The following SPANXN1 variants were observed in gnomAD, a reference collection of about 807,000 sequenced individuals.
SPANXN1 encodes the protein sperm protein associated with the nucleus on the X chromosome N1.
A neutral mutation model predicts 2.0 loss-of-function variants in SPANXN1; 1 was observed. The observed-to-expected ratio is 0.50, with a 90% CI of 0.18 to 2.36. The LOEUF (loss-of-function observed/expected upper bound fraction) is 2.36. Ranked by LOEUF, SPANXN1 falls within the 30% of genes most tolerant of loss-of-function variation. The probability of loss-of-function intolerance (pLI) is 0.26; values close to 1 mark genes in which losing one functional copy is unlikely to be tolerated. For synonymous variants in SPANXN1, 27 were observed against 21.3 expected (o/e 1.27, Z -0.74); for missense variants, 55 against 51.8 (o/e 1.06, Z -0.19).
Position 145,256,121 on chromosome X carries a change from C to T in SPANXN1, c.*307C>T, listed in dbSNP as rs1469920213. 1.4e-5 allele frequency: 6 copies of T among 437,405 alleles called. No homozygotes were observed. Among genetic ancestry groups the T allele is most frequent in the East Asian group, 3.7e-5 (1 of 27,070 alleles). 36.0% of individuals were successfully genotyped at this position (437,405 alleles called of 1,213,427 possible). On this transcript the variant is annotated 3_prime_UTR_variant, in exon 2 of 2. Transcript: ENST00000370493. ...GGAGGATGAAGACCTAGAGAAAAAG[C>T]GATCATCTAGGTCAAGAAATGAAAT...
chrX:145,254,007 A>G (rs1336181179), intron 1 of SPANXN1, among the ~76,000 whole-genome samples: 9 of 109,067 alleles, frequency 8.3e-5, no homozygotes, highest in African/African-American at 3.0e-4. Context: ...CCTGGTTTCT[A>G]GCGAAAGGGG....
intron 1 of SPANXN1, among the ~76,000 whole-genome samples, chrX:145,255,202 A>G (rs782098801): frequency 6.8e-4 from 76 of 111,768 alleles, no homozygotes; most frequent in African/African-American, 2.4e-3. Flanking sequence ...GGTGGGAGGG[A>G]TCTGGGCAGT....
intron 1 of SPANXN1, 83 bp from the exon 2 acceptor site, chrX:145,255,588 T>C (rs2070806156): frequency 8.5e-7 from 1 of 1,174,298 alleles, no homozygotes; most frequent in South Asian, 1.9e-5. Flanking sequence ...GCATTCCTTC[T>C]CATAAAGCCC....
Position 145,249,723 on chromosome X carries a change from C to T in SPANXN1, c.75+2062C>T, listed in dbSNP as rs190127300. 6.2e-3 allele frequency among the ~76,000 whole-genome samples: 679 copies of T among 110,278 alleles called. 3 individuals carry two copies. Among genetic ancestry groups the T allele is most frequent in the African/African-American group, 0.021 (635 of 30,157 alleles). ...GTAGTTAGCATCACCTGGTGAGAAC[C>T]CCTCCACTTAGGTTGGAGAGGGAGG... On this transcript the variant is annotated intron_variant, in intron 1 of 1. Transcript: ENST00000370493.
At chrX:145,253,150 C>T (rs1301629726) in intron 1 of SPANXN1, among the ~76,000 whole-genome samples, 1 of 110,910 alleles carries the variant, frequency 9.0e-6, no homozygotes, top group Non-Finnish European at 1.9e-5. Context: ...TTGCTTGATA[C>T]CACAGATGGG....
At chrX:145,251,080 T>C (rs147403847) in intron 1 of SPANXN1, among the ~76,000 whole-genome samples, 1,647 of 111,861 alleles carry the variant, frequency 0.015, 34 homozygotes, top group African/African-American at 0.051. Flanking sequence ...AGGAGTTTAT[T>C]TTCAGCAATG....
At chrX:145,250,073 T>A (rs1182106338) in intron 1 of SPANXN1, among the ~76,000 whole-genome samples, 2 of 111,180 alleles carry the variant, frequency 1.8e-5, no homozygotes, top group Non-Finnish European at 3.8e-5. Flanking sequence ...GGTTAGTTGT[T>A]TTTTATAAAA....
chrX:145,255,369 A>T (rs150004002), intron 1 of SPANXN1, among the ~76,000 whole-genome samples: 13 of 111,549 alleles, frequency 1.2e-4, no homozygotes, highest in Admixed American at 4.7e-4. Flanking sequence ...CGCCTTGTGG[A>T]CAGGTGGTTA....
intron 1 of SPANXN1, among the ~76,000 whole-genome samples, chrX:145,252,361 C>G (rs1386911945): frequency 9.0e-6 from 1 of 110,987 alleles, no homozygotes; most frequent in Non-Finnish European, 1.9e-5. Flanking sequence ...TGCAGACCAC[C>G]AGATGGATTG....
chrX:145,254,091 G>A lies in SPANXN1; in HGVS notation c.76-1580G>A, dbSNP rs147001143. On this transcript the variant is annotated intron_variant, in intron 1 of 1. Coordinates refer to ENST00000370493, the MANE Select transcript of SPANXN1 (RefSeq NM_001009614.3). ...GTGACAGTAAGGGGGTGGAGGAGCC[G>A]GATCCGAAGGAGAAGGTGGAGGGAA... Among the ~76,000 whole-genome samples the A allele has an allele frequency of 4.9e-3, 535 of 108,187 alleles. 2 individuals are homozygous for A. The highest frequency in any genetic ancestry group is 0.016 in the African/African-American group (477 of 29,538). The allele number at this position is 108,187 out of a possible 115,157, so 93.9% of individuals were successfully genotyped here.
chrX:145,248,038 AC>A (rs1556882043), intron 1 of SPANXN1, among the ~76,000 whole-genome samples: 1 of 111,445 alleles, frequency 9.0e-6, no homozygotes. Context: ...CTCAGCCTGA[AC>A]CCCCGTGGAA....
intron 1 of SPANXN1, among the ~76,000 whole-genome samples, chrX:145,249,172 G>A (rs1427418574): frequency 1.8e-5 from 2 of 110,755 alleles, no homozygotes; most frequent in Non-Finnish European, 3.8e-5. Flanking sequence ...CAGGTTGACA[G>A]GAAGGGATGT....
Position 145,255,786 on chromosome X carries a change from C to T in SPANXN1, c.191C>T (p.Ser64Leu), listed in dbSNP as rs1556883102. Residue 64 changes from serine (S) to leucine (L), a missense_variant, in exon 2 of 2, where the codon TCA becomes TTA. Coordinates refer to ENST00000370493, the MANE Select transcript of SPANXN1 (RefSeq NM_001009614.3). Reference sequence around the variant, plus strand: ...TACAGGAAAGCTAAGAAAATACATTCAAATCAACTGGAGAATGACCAGTCC... The same window carrying T: ...TACAGGAAAGCTAAGAAAATACATTTAAATCAACTGGAGAATGACCAGTCC... ...FCYRKAKKIHSNQLENDQS is the reference protein window; with the variant it reads ...FCYRKAKKIHLNQLENDQS The T allele has an allele frequency of 2.5e-6, 3 of 1,212,030 alleles. No homozygotes were observed.
At chrX:145,251,996 C>T (rs2070787784) in intron 1 of SPANXN1, among the ~76,000 whole-genome samples, 1 of 111,145 alleles carries the variant, frequency 9.0e-6, no homozygotes, top group South Asian at 3.8e-4. Context: ...GGCCCAATCT[C>T]CTCGATTATG....
chrX:145,253,305 C>G (rs2070793805), intron 1 of SPANXN1, among the ~76,000 whole-genome samples: 1 of 110,976 alleles, frequency 9.0e-6, no homozygotes, highest in Non-Finnish European at 1.9e-5. Flanking sequence ...TGGCAGCCAC[C>G]AGCATTTGGT....
At chrX:145,255,292 T>C (rs6627087) in intron 1 of SPANXN1, among the ~76,000 whole-genome samples, 11,329 of 111,020 alleles carry the variant, frequency 0.1, 1,287 homozygotes, top group African/African-American at 0.33. Flanking sequence ...GGAATATCAT[T>C]GTGGTGTTCC....
intron 1 of SPANXN1, among the ~76,000 whole-genome samples, chrX:145,248,122 C>T (rs1233927083): frequency 8.9e-6 from 1 of 111,831 alleles, no homozygotes; most frequent in Non-Finnish European, 1.9e-5. Flanking sequence ...ACATTCTTGC[C>T]TTCTACTTTA....
At chrX:145,252,670 T>A (rs1602859016) in intron 1 of SPANXN1, among the ~76,000 whole-genome samples, 1 of 110,155 alleles carries the variant, frequency 9.1e-6, no homozygotes, top group South Asian at 4.0e-4. Flanking sequence ...ACAGGGTGGA[T>A]AATGAGGATG....
At position 145,255,767 on chromosome X, in the gene SPANXN1, A is replaced by G; in HGVS notation, c.172A>G (p.Lys58Glu). ...AACAGTATTAGCGTTTTGCTACAGG[A>G]AAGCTAAGAAAATACATTCAAATCA... Reference protein sequence around the residue: ...YSTVLAFCYRKAKKIHSNQLE... With the variant: ...YSTVLAFCYREAKKIHSNQLE... The change falls in exon 2 of 2, where the codon AAA becomes GAA. Residue 58 changes from lysine (K) to glutamate (E), a missense_variant. Lys to Glu is a moderately conservative substitution (Grantham distance 56). Coordinates refer to ENST00000370493, the MANE Select transcript of SPANXN1 (RefSeq NM_001009614.3). 1 of 1,212,109 alleles carries G rather than the reference A, an allele frequency of 8.3e-7. No individual in the cohort carries two copies. The highest frequency in any genetic ancestry group is 1.1e-6 in the Non-Finnish European group (1 of 895,599).
Sources: allele counts gnomAD v4.1 joint callset (sites outside exome capture counted in the v4.1 genomes callset), GRCh38; gene constraint gnomAD v4.1.1; transcripts MANE v1.5; gene names NCBI Gene and HGNC (gene_info 2026-07-23, HGNC 2026-07-21).